ATP1B1: variants seen among roughly 807,000 people sequenced by gnomAD.
The protein encoded by ATP1B1 is ATPase Na+/K+ transporting subunit beta 1.
In ATP1B1, 3 loss-of-function variants were observed where a neutral mutation model predicts 39.6. The observed-to-expected ratio is 0.08, with a 90% CI of 0.03 to 0.20. The LOEUF (loss-of-function observed/expected upper bound fraction) is 0.20, where lower values mean the gene tolerates loss of function less well. Among genes scored for constraint, ATP1B1 ranks in the 10% least tolerant of loss-of-function variants. The pLI, the probability that ATP1B1 is intolerant of heterozygous loss-of-function variation, is 1.00. For synonymous variants in ATP1B1, 139 were observed against 135.0 expected (o/e 1.03, Z -0.20); for missense variants, 216 against 371.1 (o/e 0.58, Z 3.43).
intron 5 of ATP1B1, among the ~76,000 whole-genome samples, chr1:169,130,540 G>C (rs1658188901): frequency 1.3e-5 from 2 of 152,000 alleles, no homozygotes; most frequent in Admixed American, 1.3e-4. Flanking sequence ...TGTAATCCTA[G>C]CACTTTGGGA....
At chr1:169,129,363 A>G (rs557144243) in intron 4 of ATP1B1, among the ~76,000 whole-genome samples, 11 of 152,304 alleles carry the variant, frequency 7.2e-5, no homozygotes, top group African/African-American at 2.2e-4. Context: ...ATATTTCATG[A>G]CAGCAGTAAT....
At chr1:169,125,513 T>C (rs1370960279) in intron 3 of ATP1B1, among the ~76,000 whole-genome samples, 1 of 152,150 alleles carries the variant, frequency 6.6e-6, no homozygotes, top group Non-Finnish European at 1.5e-5. Flanking sequence ...CTGGTTGGGA[T>C]AGATAATGAA....
chr1:169,123,618 T>C (rs1304151322), intron 2 of ATP1B1, among the ~76,000 whole-genome samples: 1 of 150,230 alleles, frequency 6.7e-6, no homozygotes, highest in Non-Finnish European at 1.5e-5. Context: ...TATCTCTATC[T>C]ATCTATCTAT....
At chr1:169,117,637 G>C (rs1481982440) in intron 2 of ATP1B1, among the ~76,000 whole-genome samples, 2 of 152,112 alleles carry the variant, frequency 1.3e-5, no homozygotes, top group South Asian at 2.1e-4. Context: ...ATTCACCCAA[G>C]GGTCATAGAA....
chr1:169,127,820 T>A (rs1658120600), intron 4 of ATP1B1, among the ~76,000 whole-genome samples: 1 of 151,950 alleles, frequency 6.6e-6, no homozygotes, highest in East Asian at 1.9e-4. Flanking sequence ...AAAAAAAAAA[T>A]TTTAACCCAC....
intron 4 of ATP1B1, among the ~76,000 whole-genome samples, chr1:169,129,204 C>T (rs1487954487): frequency 6.6e-6 from 1 of 152,180 alleles, no homozygotes; most frequent in Non-Finnish European, 1.5e-5. Context: ...TTTTATCTGA[C>T]TTTGATTAGA....
rs1002523294 is a variant in ATP1B1, at chr1:169,131,765, A to G, written c.*210A>G. ...TATTTATTCTACTGTAAATGACAAA[A>G]GAAAAAGAAAAATTGAGCCTTGGGA... is the stretch of plus-strand genomic sequence containing the variant. On this transcript the variant is annotated 3_prime_UTR_variant, in exon 6 of 6. Coordinates refer to ENST00000367815, the MANE Select transcript of ATP1B1 (RefSeq NM_001677.4). This position sits in a 1 kb window ranked among gnomAD's most constrained non-coding sequence, Gnocchi z 4.4. The G allele has an allele frequency of 6.2e-6, 4 of 646,170 alleles. No homozygotes were observed. In the African/African-American group the frequency reaches 7.3e-5, roughly 12 times the overall value. The allele number at this position is 646,170 out of a possible 1,614,324, so 40.0% of individuals were successfully genotyped here. A position where few individuals can be genotyped will look rare whatever the true frequency, so the allele number is the denominator to read the frequency against.
chr1:169,130,663 T>C (rs534269931), intron 5 of ATP1B1, among the ~76,000 whole-genome samples: 6 of 151,366 alleles, frequency 4.0e-5, no homozygotes, highest in Admixed American at 1.3e-4. Context: ...GGCGCGTGCC[T>C]GTAATCCCAG....
intron 4 of ATP1B1, 115 bp downstream of exon 4, chr1:169,127,523 C>T (rs1658113991): frequency 1.2e-5 from 14 of 1,156,284 alleles, no homozygotes; most frequent in South Asian, 1.6e-5. Context: ...GACTTTGAAA[C>T]GTAGCCAGTA....
chr1:169,128,368 T>C (rs755815416), intron 4 of ATP1B1, among the ~76,000 whole-genome samples: 91 of 152,218 alleles, frequency 6.0e-4, no homozygotes, highest in Non-Finnish European at 8.5e-4. Context: ...ATTTCTACAA[T>C]GCTTGTTACC....
At position 169,132,121 on chromosome 1, in the gene ATP1B1, G is replaced by A. The variant is rs1175957201; in HGVS notation, c.*566G>A. On this transcript the variant is annotated 3_prime_UTR_variant, in exon 6 of 6. Transcript: ENST00000367815. ...CCATAGTCTTTTCCTGTGGTGTTAG[G>A]TCTTTATTTTTATTTTTTTCCTGGG... is the stretch of plus-strand genomic sequence containing the variant. 1.0e-5 allele frequency: 5 copies of A among 487,066 alleles called. No individual in the cohort carries two copies. Among genetic ancestry groups the A allele is most frequent in the African/African-American group, 2.2e-5 (1 of 45,938 alleles). 30.2% of individuals were successfully genotyped at this position (487,066 alleles called of 1,614,324 possible).
chr1:169,108,582 A>G (rs144599911), intron 1 of ATP1B1, among the ~76,000 whole-genome samples: 1 of 152,296 alleles, frequency 6.6e-6, no homozygotes, highest in African/African-American at 2.4e-5. Context: ...CCTTAGTATA[A>G]TATGCATCTT....
rs986358185 is a variant in ATP1B1 at position 169,131,643 on chromosome 1, A to C, written c.*88A>C. 3.1e-5 allele frequency: 44 copies of C among 1,430,826 alleles called. No homozygotes were observed. Among genetic ancestry groups the C allele is most frequent in the Non-Finnish European group, 4.0e-5 (42 of 1,057,680 alleles). 88.6% of individuals were successfully genotyped at this position (1,430,826 alleles called of 1,614,324 possible). On this transcript the variant is annotated 3_prime_UTR_variant, in exon 6 of 6. Coordinates refer to ENST00000367815, the MANE Select transcript of ATP1B1 (RefSeq NM_001677.4). This position sits in a 1 kb window ranked among gnomAD's most constrained non-coding sequence, Gnocchi z 4.4. ...ACCTACTAGTCTTGAACAAACTGTC[A>C]TACGTATGGGACCTACACTTAATCT...
chr1:169,110,531 C>A, intron 1 of ATP1B1: 1 of 778,894 alleles, frequency 1.3e-6, no homozygotes, highest in Non-Finnish European at 1.8e-6. Flanking sequence ...AAACCAGTAA[C>A]TGATAGCCAC....
At chr1:169,117,338 C>CT (rs1557948977) in intron 2 of ATP1B1, among the ~76,000 whole-genome samples, 1 of 152,202 alleles carries the variant, frequency 6.6e-6, no homozygotes, top group African/African-American at 2.4e-5. Flanking sequence ...GGGGGGAACT[C>CT]TGTTTGGCTT....
chr1:169,120,407 A>G (rs1657951073), intron 2 of ATP1B1, among the ~76,000 whole-genome samples: 1 of 152,170 alleles, frequency 6.6e-6, no homozygotes, highest in Non-Finnish European at 1.5e-5. Context: ...CAGACTCCAG[A>G]GGGAAACATG....
chr1:169,132,284 T>C lies in ATP1B1; in HGVS notation c.*729T>C, dbSNP rs1658253016. On this transcript the variant is annotated 3_prime_UTR_variant, in exon 6 of 6. Coordinates refer to ENST00000367815, the MANE Select transcript of ATP1B1 (RefSeq NM_001677.4). ...ACATCTCTTGCCTTGTCCTCCGGTATGTTCTAAAGCTGTGTCTGAGATCTG... is the reference window on the plus strand; with the variant it reads ...ACATCTCTTGCCTTGTCCTCCGGTACGTTCTAAAGCTGTGTCTGAGATCTG... The C allele has an allele frequency of 1.7e-6, 1 of 576,848 alleles. No homozygotes were observed. The highest frequency in any genetic ancestry group is 2.0e-5 in the African/African-American group (1 of 51,202). The allele number at this position is 576,848 out of a possible 1,614,324, so 35.7% of individuals were successfully genotyped here.
chr1:169,111,730 G>A (rs1432532198), intron 2 of ATP1B1, among the ~76,000 whole-genome samples: 3 of 152,242 alleles, frequency 2.0e-5, no homozygotes, highest in Admixed American at 6.5e-5. Flanking sequence ...AGGGTGAAGC[G>A]TCCTGGTTCT....
Position 169,132,000 on chromosome 1 carries a change from G to A in ATP1B1, c.*445G>A. On this transcript the variant is annotated 3_prime_UTR_variant, in exon 6 of 6. Coordinates refer to ENST00000367815, the MANE Select transcript of ATP1B1 (RefSeq NM_001677.4). The surrounding 1 kb of genome is among the most constrained non-coding windows in gnomAD (Gnocchi z 4.4). Reference sequence around the variant, plus strand: ...TGTCCAAGGTGTAAATATTCAACGGGAATAAAACTGGCATGGTAATTTTTT... The same window carrying A: ...TGTCCAAGGTGTAAATATTCAACGGAAATAAAACTGGCATGGTAATTTTTT... The A allele has an allele frequency of 3.1e-6, 1 of 323,056 alleles. No individual in the cohort carries two copies. Among genetic ancestry groups the A allele is most frequent in the South Asian group, 2.6e-5 (1 of 38,316 alleles). The allele number at this position is 323,056 out of a possible 1,614,324, so 20.0% of individuals were successfully genotyped here. A position where few individuals can be genotyped will look rare whatever the true frequency, so the allele number is the denominator to read the frequency against.
Sources: allele counts gnomAD v4.1 joint callset (sites outside exome capture counted in the v4.1 genomes callset), GRCh38; gene constraint gnomAD v4.1.1; non-coding constraint Gnocchi (gnomAD v3.1); transcripts MANE v1.5; gene names NCBI Gene and HGNC (gene_info 2026-07-23, HGNC 2026-07-21).